The following TPM1 variants were observed in gnomAD, a reference collection of about 807,000 sequenced individuals.
TPM1 encodes the protein tropomyosin 1.
TPM1 carries 24 observed loss-of-function variants against 42.9 expected under a neutral mutation model. The ratio of observed to expected loss-of-function variants is 0.56; its 90% CI spans 0.41 to 0.79. The LOEUF is 0.79. Among genes scored for constraint, TPM1 ranks in the 30% least tolerant of loss-of-function variants. The pLI is 0.00. For missense variants in TPM1, 158 were observed against 351.8 expected, an observed-to-expected ratio of 0.45 and a Z score of 4.41; for synonymous variants, 136 against 130.1, an observed-to-expected ratio of 1.05 and a Z score of -0.31.
At position 63,064,076 on chromosome 15, in the gene TPM1, C is replaced by T; in HGVS notation, c.785C>T (p.Ala262Val). The change falls in exon 9 of 10, where the codon GCT becomes GTT. Residue 262 changes from alanine (A) to valine (V), a missense_variant. By Grantham distance (64) the Ala-to-Val change is moderately conservative. Around this residue, in one of 4 missense-constraint regions of TPM1, gnomAD observed 64 missense variants for 95.8 expected, o/e 0.67. Transcript: ENST00000403994. Reference sequence around the variant, plus strand: ...TTCCTGGTCATAGACGAGCTGTACGCTCAGAAACTGAAGTACAAAGCCATC... The same window carrying T: ...TTCCTGGTCATAGACGAGCTGTACGTTCAGAAACTGAAGTACAAAGCCATC... ...SIDDLEDELY[A>V]QKLKYKAISE... The T allele has an allele frequency of 6.2e-7, 1 of 1,614,094 alleles. No individual in the cohort carries two copies. Among genetic ancestry groups the T allele is most frequent in the Non-Finnish European group, 8.5e-7 (1 of 1,180,028 alleles).
intron 1 of TPM1, 74 bp downstream of exon 1, chr15:63,043,017 C>A: frequency 7.3e-7 from 1 of 1,373,028 alleles, no homozygotes; most frequent in Non-Finnish European, 1.0e-6. Flanking sequence ...GCTGGATCCC[C>A]ACCCCGAGGA....
chr15:63,064,408 C>T, intron 9 of TPM1: 1 of 1,305,676 alleles, frequency 7.7e-7, no homozygotes, highest in South Asian at 1.8e-5. Flanking sequence ...AATGAGTGAC[C>T]TTGAGCACTG....
At chr15:63,070,673 T>G (rs1277745696), downstream of TPM1, 3 of 1,008,524 alleles carry the variant, frequency 3.0e-6, no homozygotes, top group African/African-American at 5.2e-5. Context: ...TGAGTTTGTG[T>G]TACCGCACAA....
intron 3 of TPM1, among the ~76,000 whole-genome samples, chr15:63,057,717 T>C (rs2035019450): frequency 6.6e-6 from 1 of 152,246 alleles, no homozygotes; most frequent in African/African-American, 2.4e-5. Flanking sequence ...AGCTGAATTA[T>C]TACTCAGATT....
intron 5 of TPM1, 134 bp downstream of exon 5, chr15:63,061,073 C>A: frequency 6.9e-7 from 1 of 1,452,090 alleles, no homozygotes; most frequent in Non-Finnish European, 9.6e-7. Context: ...TGTGGATGAG[C>A]CACGAGTATG....
intron 2 of TPM1, chr15:63,047,481 GCT>G (rs2032631232): frequency 6.6e-6 from 1 of 152,256 alleles, no homozygotes; most frequent in Non-Finnish European, 1.5e-5. Flanking sequence ...GTAGCCAGAG[GCT>G]CTCTCATAGG....
downstream of TPM1, among the ~76,000 whole-genome samples, chr15:63,069,647 G>C (rs2036494103): frequency 6.6e-6 from 1 of 152,148 alleles, no homozygotes; most frequent in Non-Finnish European, 1.5e-5. Flanking sequence ...TCCTCACCAA[G>C]AGAGAAATTC....
At chr15:63,050,730 A>T (rs1232157581) in intron 2 of TPM1, among the ~76,000 whole-genome samples, 1 of 152,224 alleles carries the variant, frequency 6.6e-6, no homozygotes, top group African/African-American at 2.4e-5. Context: ...CAGACCATTG[A>T]AGAGAGACTT....
chr15:63,062,418 G>A, intron 7 of TPM1, 141 bp downstream of exon 7: 2 of 1,231,800 alleles, frequency 1.6e-6, no homozygotes, highest in Non-Finnish European at 2.4e-6. Flanking sequence ...TATGTACTGT[G>A]CTAACTGCCA....
chr15:63,062,222 A>G lies in TPM1; in HGVS notation c.647A>G (p.Gln216Arg), dbSNP rs2140969414. 1.9e-6 allele frequency: 3 copies of G among 1,614,120 alleles called. No homozygotes were observed. The highest frequency in any genetic ancestry group is 1.7e-6 in the Non-Finnish European group (2 of 1,179,972). ...SLEAQAEKYS[Q>R]KEDRYEEEIK... ...TGCTCTTTCTAATTACAGTACTCGC[A>G]GAAGGAAGACAGATATGAGGAAGAG... The change falls in exon 7 of 10, where the codon CAG (glutamine) becomes CGG (arginine). Residue 216 changes from glutamine (Q) to arginine (R), a missense_variant. Gln to Arg is a conservative substitution (Grantham distance 43). Around this residue, in one of 4 missense-constraint regions of TPM1, gnomAD observed 64 missense variants for 95.8 expected, o/e 0.67. Coordinates refer to ENST00000403994, the MANE Select transcript of TPM1 (RefSeq NM_001018005.2).
downstream of TPM1, chr15:63,070,889 G>A (rs561904883): frequency 2.6e-5 from 36 of 1,364,500 alleles, no homozygotes; most frequent in East Asian, 2.4e-4. Context: ...GTGAGAATCC[G>A]TGCCATGGCT....
At chr15:63,050,505 ATTAC>A (rs1423809844) in intron 2 of TPM1, among the ~76,000 whole-genome samples, 1 of 152,206 alleles carries the variant, frequency 6.6e-6, no homozygotes. Flanking sequence ...AGGGCACATT[ATTAC>A]TTTTATTCTT....
chr15:63,064,338 A>T, intron 9 of TPM1, 196 bp downstream of exon 9: 5 of 1,453,466 alleles, frequency 3.4e-6, no homozygotes, highest in Non-Finnish European at 4.5e-6. Context: ...TGTCTATACA[A>T]ACCATTTTCT....
At chr15:63,054,537 C>G (rs2034473181) in intron 2 of TPM1, 1 of 152,192 alleles carries the variant, frequency 6.6e-6, no homozygotes, top group South Asian at 2.1e-4. Context: ...AGACCTGTCA[C>G]CCAGAGGGTT....
intron 2 of TPM1, chr15:63,048,788 C>A: frequency 2.0e-6 from 3 of 1,489,748 alleles, no homozygotes; most frequent in Non-Finnish European, 2.7e-6. Context: ...CTGCTTCCCC[C>A]CCCGCAGGCC....
At chr15:63,051,959 T>C (rs1467763832) in intron 2 of TPM1, among the ~76,000 whole-genome samples, 1 of 151,402 alleles carries the variant, frequency 6.6e-6, no homozygotes, top group African/African-American at 2.4e-5. Context: ...GGGCATGCCC[T>C]TGATTTCTAT....
downstream of TPM1, among the ~76,000 whole-genome samples, chr15:63,069,242 A>G (rs2036462297): frequency 3.3e-5 from 5 of 152,306 alleles, no homozygotes; most frequent in South Asian, 1.0e-3. Flanking sequence ...GGATAACACT[A>G]TCAAAGCTAG....
Position 63,042,947 on chromosome 15 carries a change from T to C in TPM1, c.114+4T>C, listed in dbSNP as rs745777320. 1.3e-6 allele frequency: 2 copies of C among 1,590,976 alleles called. No individual in the cohort carries two copies. Among genetic ancestry groups the C allele is most frequent in the Non-Finnish European group, 8.6e-7 (1 of 1,168,626 alleles). ...GGCGGAAGACAGGAGCAAGCAGGTC[T>C]GCGCCTCCCCGGCCCTGCGCCCGCG... On this transcript the variant is annotated splice_donor_region_variant and intron_variant, in intron 1 of 9. Transcript: ENST00000403994.
rs1445245980 is a variant in TPM1 at position 63,053,698 on chromosome 15, T to G, written c.241-3287T>G. On this transcript the variant is annotated intron_variant, in intron 2 of 9. Coordinates refer to ENST00000403994, the MANE Select transcript of TPM1 (RefSeq NM_001018005.2). ...ATTTTTTTTTTTTTTTTTTTGTTTT[T>G]GAGACAAGAGTCTTGCTCTGTCGCC... 1.6e-5 allele frequency among the ~76,000 whole-genome samples: 2 copies of G among 123,966 alleles called. 1 individual carries two copies. The highest frequency in any genetic ancestry group is 5.9e-5 in the African/African-American group (2 of 33,648). The allele number at this position is 123,966 out of a possible 152,430, so 81.3% of individuals were successfully genotyped here. A position where few individuals can be genotyped will look rare whatever the true frequency, so the allele number is the denominator to read the frequency against.
Sources: allele counts gnomAD v4.1 joint callset (sites outside exome capture counted in the v4.1 genomes callset), GRCh38; gene constraint gnomAD v4.1.1; regional missense constraint gnomAD v4.1.1; transcripts MANE v1.5; gene names NCBI Gene and HGNC (gene_info 2026-07-23, HGNC 2026-07-21).